SGIP1: variants seen among roughly 807,000 people sequenced by gnomAD.
SGIP1 encodes SH3-containing GRB2-like protein 3-interacting protein 1.
Under a neutral mutation model 107.5 loss-of-function variants are expected in SGIP1, and 38 were observed. The observed-to-expected ratio is 0.35, with a 90% confidence interval of 0.27 to 0.46. SGIP1 has a LOEUF of 0.46. SGIP1 is among the 20% of genes least tolerant of loss of function. The probability of loss-of-function intolerance (pLI) is 1.00; values close to 1 mark genes in which losing one functional copy is unlikely to be tolerated. For synonymous variants in SGIP1, 365 were observed against 366.1 expected (o/e 1.00, Z 0.03); for missense variants, 929 against 1,019.5 (o/e 0.91, Z 1.21).
At chr1:66,692,160 C>CA (rs10677616) in intron 17 of SGIP1, among the ~76,000 whole-genome samples, 50,587 of 136,236 alleles carry the variant, frequency 0.37, 9,433 homozygotes, top group African/African-American at 0.43. Context: ...GACTCCATCT[C>CA]AAAAAAAAAA....
At chr1:66,594,029 A>C (rs1350970288) in intron 1 of SGIP1, among the ~76,000 whole-genome samples, 1 of 152,236 alleles carries the variant, frequency 6.6e-6, no homozygotes, top group African/African-American at 2.4e-5. Context: ...ATGGTTAACC[A>C]ATAACAAGAG....
intron 18 of SGIP1, chr1:66,704,318 A>G (rs1168890198): frequency 1.3e-5 from 2 of 152,080 alleles, no homozygotes; most frequent in African/African-American, 4.8e-5. Context: ...GAGCAAGACA[A>G]TGATTTGGAA....
intron 8 of SGIP1, among the ~76,000 whole-genome samples, chr1:66,665,349 A>G (rs2082312020): frequency 6.6e-6 from 1 of 152,118 alleles, no homozygotes; most frequent in Non-Finnish European, 1.5e-5. Flanking sequence ...TATGTGCCAC[A>G]CTTTCTTAAT....
At chr1:66,606,907 C>T (rs943907906) in intron 1 of SGIP1, among the ~76,000 whole-genome samples, 31 of 152,106 alleles carry the variant, frequency 2.0e-4, no homozygotes, top group Non-Finnish European at 2.4e-4. Context: ...GGATTTATAG[C>T]TTTTATTAGA....
chr1:66,598,316 G>A (rs559627740), intron 1 of SGIP1, among the ~76,000 whole-genome samples: 15 of 152,168 alleles, frequency 9.9e-5, no homozygotes, highest in Non-Finnish European at 1.8e-4. Context: ...CAAAGCCCCT[G>A]AGTACCTACT....
intron 20 of SGIP1, among the ~76,000 whole-genome samples, chr1:66,733,519 T>C (rs1272249215): frequency 6.6e-6 from 1 of 152,176 alleles, no homozygotes; most frequent in African/African-American, 2.4e-5. Flanking sequence ...CTCACTGAGA[T>C]TGATAGCAAC....
At chr1:66,619,395 G>C (rs1013918097) in intron 1 of SGIP1, among the ~76,000 whole-genome samples, 2 of 152,254 alleles carry the variant, frequency 1.3e-5, no homozygotes, top group Non-Finnish European at 2.9e-5. Context: ...TTCAAAGACG[G>C]AACGCCCTCT....
chr1:66,682,517 G>C (rs774487313), intron 15 of SGIP1, 148 bp downstream of exon 15: 4 of 973,140 alleles, frequency 4.1e-6, no homozygotes, highest in Non-Finnish European at 6.2e-6. Context: ...CCCACAGCAT[G>C]TCCTAGTCCA....
intron 7 of SGIP1, among the ~76,000 whole-genome samples, chr1:66,659,944 G>GAAAGAAAGAA (rs2080590386): frequency 2.7e-5 from 1 of 37,270 alleles, no homozygotes; most frequent in Non-Finnish European, 4.3e-5. Flanking sequence ...GAAAGAAAAA[G>GAAAGAAAGAA]AAAGAAAAAG....
At chr1:66,691,710 T>G (rs1012924966) in intron 17 of SGIP1, among the ~76,000 whole-genome samples, 17 of 152,186 alleles carry the variant, frequency 1.1e-4, no homozygotes, top group Non-Finnish European at 1.8e-4. Flanking sequence ...TTTTTCTAGA[T>G]TAGTTGTTTC....
intron 7 of SGIP1, among the ~76,000 whole-genome samples, chr1:66,652,843 G>A (rs1321192943): frequency 6.6e-6 from 1 of 152,150 alleles, no homozygotes; most frequent in Non-Finnish European, 1.5e-5. Context: ...TGCAAGGAGA[G>A]GCTAAAGATT....
rs77853310 is a variant in SGIP1 at position 66,696,572 on chromosome 1, T to C, written c.1630+1079T>C. Among the ~76,000 whole-genome samples, 593 of 152,300 alleles carry C rather than the reference T, an allele frequency of 3.9e-3. 3 individuals are homozygous for C. The highest frequency in any genetic ancestry group is 6.3e-3 in the Non-Finnish European group (430 of 68,002). On this transcript the variant is annotated intron_variant, in intron 18 of 24. Transcript: ENST00000371037. ...TGGCTTTTTTCTCTCAACAATAAAT[T>C]TTGCTTGCAAGATAGTCATAGAGAT... is the stretch of plus-strand genomic sequence containing the variant.
chr1:66,706,216 A>G (rs2092490745), intron 18 of SGIP1, among the ~76,000 whole-genome samples: 1 of 150,208 alleles, frequency 6.7e-6, no homozygotes, highest in South Asian at 2.1e-4. Context: ...TTGCTATCAA[A>G]CCATTTATTT....
chr1:66,566,043 C>T (rs925441131), intron 1 of SGIP1, among the ~76,000 whole-genome samples: 1 of 151,956 alleles, frequency 6.6e-6, no homozygotes, highest in Non-Finnish European at 1.5e-5. Context: ...AGATTCAACC[C>T]AAACTAGCCA....
intron 1 of SGIP1, among the ~76,000 whole-genome samples, chr1:66,576,682 T>C (rs923652423): frequency 6.6e-6 from 1 of 152,170 alleles, no homozygotes; most frequent in Non-Finnish European, 1.5e-5. Context: ...AGATTTACAG[T>C]GTTTCTTTTC....
intron 19 of SGIP1, among the ~76,000 whole-genome samples, chr1:66,723,283 G>T (rs1052830343): frequency 1.1e-4 from 17 of 152,166 alleles, no homozygotes; most frequent in African/African-American, 4.1e-4. Flanking sequence ...TTTGTTCTCA[G>T]ACCATCCATT....
At chr1:66,728,146 T>C (rs2093844270) in intron 19 of SGIP1, among the ~76,000 whole-genome samples, 1 of 152,216 alleles carries the variant, frequency 6.6e-6, no homozygotes, top group African/African-American at 2.4e-5. Context: ...ATTAATGGAA[T>C]GAAGAACTAG....
chr1:66,547,392 A>G (rs1191738757), intron 1 of SGIP1, among the ~76,000 whole-genome samples: 2 of 152,206 alleles, frequency 1.3e-5, no homozygotes, highest in East Asian at 3.8e-4. Context: ...ACTGAAATCT[A>G]TCTTGGCCTA....
intron 15 of SGIP1, among the ~76,000 whole-genome samples, chr1:66,682,957 T>C (rs188761461): frequency 6.6e-6 from 1 of 152,266 alleles, no homozygotes; most frequent in East Asian, 1.9e-4. Context: ...GATACATATA[T>C]TGCATCTGTA....
Sources: allele counts gnomAD v4.1 joint callset (sites outside exome capture counted in the v4.1 genomes callset), GRCh38; gene constraint gnomAD v4.1.1; transcripts MANE v1.5; gene names NCBI Gene and HGNC (gene_info 2026-07-23, HGNC 2026-07-21).